The following ATM variants were observed in gnomAD, a reference collection of about 807,000 sequenced individuals.
The protein encoded by ATM is serine-protein kinase ATM.
In ATM, 308 loss-of-function variants were observed where a neutral mutation model predicts 387.0. The ratio of observed to expected loss-of-function variants is 0.80; its 90% CI spans 0.73 to 0.87. The LOEUF is 0.87. Among genes scored for constraint, ATM ranks in the 40% least tolerant of loss-of-function variants. ATM has a pLI of 0.00. For synonymous variants in ATM, 1,156 were observed against 1,187.3 expected (o/e 0.97, Z 0.54); for missense variants, 3,312 against 3,560.9 (o/e 0.93, Z 1.78).
chr11:108,229,375 TGAG>T, intron 4 of ATM, 52 bp downstream of exon 4: 1 of 1,455,484 alleles, frequency 6.9e-7, no homozygotes, highest in Non-Finnish European at 9.2e-7. Flanking sequence ...TACTGTCGCG[TGAG>T]TTTTTTTTTT....
intron 40 of ATM, among the ~76,000 whole-genome samples, chr11:108,313,501 T>G (rs1376842818): frequency 2.6e-5 from 4 of 152,206 alleles, no homozygotes; most frequent in Non-Finnish European, 5.9e-5. Flanking sequence ...CACCTTTCAT[T>G]CTTCCTTTTC....
intron 28 of ATM, 57 bp downstream of exon 28, chr11:108,289,160 AC>A: frequency 6.6e-7 from 1 of 1,523,422 alleles, no homozygotes. Flanking sequence ...AGCTAAAAAA[AC>A]TTTGTAAATA....
At position 108,247,183 on chromosome 11, in the gene ATM, A is replaced by C. The variant is rs2135271358; in HGVS notation, c.1065+56A>C. ...AATTTCCTGTTAATTTTTTTTTTAA[A>C]CTGGGCATTTTGGGCTTTTAAAACC... On this transcript the variant is annotated intron_variant, in intron 8 of 62. Coordinates refer to ENST00000675843, the MANE Select transcript of ATM (RefSeq NM_000051.4). 5.0e-6 allele frequency: 8 copies of C among 1,592,358 alleles called. 1 individual carries two copies. In the South Asian group the frequency reaches 8.9e-5, roughly 18 times the overall value.
In ATM at chr11:108,284,286, A is replaced by G. The variant is rs146017595; in HGVS notation, c.3806A>G (p.Lys1269Arg). The G allele has an allele frequency of 7.2e-5, 116 of 1,613,488 alleles. No individual in the cohort carries two copies. The highest frequency in any genetic ancestry group is 1.6e-4 in the African/African-American group (12 of 74,906). Residue 1269 changes from lysine to arginine, a missense_variant, in exon 26 of 63, where the codon AAG becomes AGG. Transcript: ENST00000675843. ...ATTAGAAGTCATTTTGATGAGGTGA[A>G]GTCCATTGCTAATCAGATTCAAGAG... Reference protein sequence around the residue: ...LVIRSHFDEVKSIANQIQEDW... With the variant: ...LVIRSHFDEVRSIANQIQEDW...
chr11:108,253,636 G>C (rs1205046042), intron 12 of ATM, among the ~76,000 whole-genome samples, 178 bp from the exon 13 acceptor site: 1 of 151,998 alleles, frequency 6.6e-6, no homozygotes, highest in African/African-American at 2.4e-5. Context: ...TTTGATATAA[G>C]TAGGTCTCAA....
chr11:108,364,359 C>G (rs371764364), intron 61 of ATM, among the ~76,000 whole-genome samples: 17 of 152,256 alleles, frequency 1.1e-4, no homozygotes, highest in African/African-American at 4.1e-4. Context: ...GAGCAGTTAG[C>G]TGTTCTGAAC....
At chr11:108,262,999 C>G (rs1358408878) in intron 16 of ATM, among the ~76,000 whole-genome samples, 3 of 152,072 alleles carry the variant, frequency 2.0e-5, no homozygotes, top group African/African-American at 7.2e-5. Flanking sequence ...CCTGAGTGAC[C>G]TACAAACAGA....
intron 36 of ATM, among the ~76,000 whole-genome samples, chr11:108,303,981 C>T (rs1369365575): frequency 6.6e-6 from 1 of 152,140 alleles, no homozygotes; most frequent in Non-Finnish European, 1.5e-5. Context: ...AATTAGTAAT[C>T]TATAACCTGT....
At position 108,229,312 on chromosome 11, in the gene ATM, G is replaced by A. The variant is rs142358238; in HGVS notation, c.320G>A (p.Cys107Tyr). The A allele has an allele frequency of 1.2e-4, 197 of 1,612,394 alleles. No individual in the cohort carries two copies. In the African/African-American group the frequency reaches 2.1e-3, roughly 17 times the overall value. ...AGTTTGGTCAAATACTTCATCAAAT[G>A]TGCAAACAGAAGTAAGTGATGTTAT... ...ISSLVKYFIK[C>Y]ANRRAPRLKC... Residue 107 changes from cysteine to tyrosine, a missense_variant, in exon 4 of 63, where the codon TGT becomes TAT. By Grantham distance (194) the Cys-to-Tyr change is radical. Around this residue, in one of 4 missense-constraint regions of ATM, gnomAD observed 1,791 missense variants for 1,804.5 expected, o/e 0.99. Transcript: ENST00000675843.
rs1212521906 is a variant in ATM at position 108,349,537 on chromosome 11, C to T, written c.8671+2172C>T. 2.0e-5 allele frequency among the ~76,000 whole-genome samples: 3 copies of T among 152,128 alleles called. No individual in the cohort carries two copies. In the East Asian group the frequency reaches 5.8e-4, roughly 29 times the overall value. ...AATTAGCCGGGCGAGGTGGTGGGCACCTGTAGTCCCAGCTACTTGGGAGGC... is the reference window on the plus strand; with the variant it reads ...AATTAGCCGGGCGAGGTGGTGGGCATCTGTAGTCCCAGCTACTTGGGAGGC... On this transcript the variant is annotated intron_variant, in intron 59 of 62. Transcript: ENST00000675843.
chr11:108,361,659 C>T (rs1295568112), intron 61 of ATM, among the ~76,000 whole-genome samples: 1 of 151,796 alleles, frequency 6.6e-6, no homozygotes, highest in African/African-American at 2.4e-5. Flanking sequence ...CTACAACTAT[C>T]TGATCTTTGA....
At chr11:108,345,664 T>C (rs2088246176) in intron 57 of ATM, 79 bp from the exon 58 acceptor site, 2 of 1,196,626 alleles carry the variant, frequency 1.7e-6, no homozygotes, top group Non-Finnish European at 2.3e-6. Flanking sequence ...ATATCTGTCA[T>C]ATTTTTATAT....
At chr11:108,251,211 G>A in intron 10 of ATM, 139 bp downstream of exon 10, 10 of 1,313,778 alleles carry the variant, frequency 7.6e-6, no homozygotes, top group Non-Finnish European at 1.1e-5. Flanking sequence ...TTTCTTGTTT[G>A]GCCGAGAAGA....
Position 108,292,740 on chromosome 11 carries a change from A to C in ATM, c.4558A>C (p.Ile1520Leu), listed in dbSNP as rs765195241. ...TGCTCTAGAAAACCATCTTCATGTT[A>C]TTGTTGGTACACTTATACCCCTTGT... ...KDALENHLHV[I>L]VGTLIPLVYE... The change falls in exon 30 of 63, where the codon ATT becomes CTT. Residue 1520 changes from isoleucine to leucine, a missense_variant. Ile to Leu is a conservative substitution (Grantham distance 5). This residue lies in a region of ATM where 1,791 missense variants were observed against 1,804.5 expected (regional missense o/e 0.99). Transcript: ENST00000675843. 1 of 1,613,980 alleles carries C rather than the reference A, an allele frequency of 6.2e-7. No homozygotes were observed. Among genetic ancestry groups the C allele is most frequent in the Non-Finnish European group, 8.5e-7 (1 of 1,179,952 alleles).
rs1000032847 is a variant in ATM, at chr11:108,316,037, T to C, written c.6122T>C (p.Met2041Thr). 1.2e-6 allele frequency: 2 copies of C among 1,614,048 alleles called. No homozygotes were observed. Among genetic ancestry groups the C allele is most frequent in the African/African-American group, 2.7e-5 (2 of 74,936 alleles). The change falls in exon 42 of 63, where the codon ATG (methionine) becomes ACG (threonine). Residue 2041 changes from methionine to threonine, a missense_variant. By Grantham distance (81) the Met-to-Thr change is moderately conservative (BLOSUM62 -1). Transcript: ENST00000675843. ...CTACGAACATATGAACACGAAGCAA[T>C]GTGGGGCAAAGCCCTAGTAACATAT... ...TRLRTYEHEA[M>T]WGKALVTYDL...
chr11:108,241,035 A>G (rs1014785546), intron 5 of ATM, among the ~76,000 whole-genome samples: 1 of 152,124 alleles, frequency 6.6e-6, no homozygotes, highest in African/African-American at 2.4e-5. Context: ...TTTTTAAATG[A>G]AATTATTATT....
intron 30 of ATM, 116 bp downstream of exon 30, chr11:108,292,909 T>C: frequency 7.8e-7 from 1 of 1,283,992 alleles, no homozygotes; most frequent in South Asian, 1.3e-5. Context: ...GAATATTTTT[T>C]GTAAAATGAT....
chr11:108,279,842 T>C (rs918832330), intron 23 of ATM, among the ~76,000 whole-genome samples: 2 of 152,200 alleles, frequency 1.3e-5, no homozygotes, highest in African/African-American at 4.8e-5. Flanking sequence ...AAAATTTAAC[T>C]GAGTTTTTAT....
intron 37 of ATM, among the ~76,000 whole-genome samples, chr11:108,305,792 C>T (rs2083661772): frequency 6.6e-6 from 1 of 152,024 alleles, no homozygotes; most frequent in Admixed American, 6.6e-5. Context: ...TATATGCATG[C>T]TTGAAGGCTC....
Sources: allele counts gnomAD v4.1 joint callset (sites outside exome capture counted in the v4.1 genomes callset), GRCh38; gene constraint gnomAD v4.1.1; regional missense constraint gnomAD v4.1.1; transcripts MANE v1.5; gene names NCBI Gene and HGNC (gene_info 2026-07-23, HGNC 2026-07-21).